SLCO2A1: variants seen among roughly 807,000 people sequenced by gnomAD.
The protein encoded by SLCO2A1 is matrin F/G 1.
In SLCO2A1, 60 loss-of-function variants were observed where a neutral mutation model predicts 71.7. The observed-to-expected ratio is 0.84, with a 90% confidence interval of 0.68 to 1.04. The LOEUF (loss-of-function observed/expected upper bound fraction) is 1.04, where lower values mean the gene tolerates loss of function less well. SLCO2A1 is among the 50% of genes least tolerant of loss of function. The pLI is 0.00. For synonymous variants in SLCO2A1, 308 were observed against 326.7 expected (o/e 0.94, Z 0.62); for missense variants, 745 against 813.4 (o/e 0.92, Z 1.02).
intron 3 of SLCO2A1, among the ~76,000 whole-genome samples, chr3:133,971,737 G>C (rs542416544): frequency 1.5e-4 from 23 of 152,218 alleles, no homozygotes; most frequent in African/African-American, 5.1e-4. Flanking sequence ...GTGGACTAAG[G>C]GTGAGCATCT....
intron 3 of SLCO2A1, among the ~76,000 whole-genome samples, chr3:133,960,021 G>A (rs1012582870): frequency 6.6e-6 from 1 of 152,164 alleles, no homozygotes; most frequent in African/African-American, 2.4e-5. Flanking sequence ...TCGGGAGGCT[G>A]AGGCAGGAGA....
rs1335456300 is a variant in SLCO2A1 at position 133,951,418 on chromosome 3, CA to C, written c.725-75del. 6 of 1,562,406 alleles carry C rather than the reference CA, an allele frequency of 3.8e-6. No homozygotes were observed. In the Admixed American group the frequency reaches 7.0e-5, roughly 18 times the overall value. On this transcript the variant is annotated intron_variant, in intron 5 of 13. Coordinates refer to ENST00000310926, the MANE Select transcript of SLCO2A1 (RefSeq NM_005630.3). ...CCTTACTGGAAACAGAACCTCTGAT[CA>C]GGGGGAGTTTCACTGATTTTCTTCC... is the stretch of plus-strand genomic sequence containing the variant.
At chr3:133,941,076 T>C (rs1933408741) in intron 11 of SLCO2A1, among the ~76,000 whole-genome samples, 1 of 152,184 alleles carries the variant, frequency 6.6e-6, no homozygotes, top group Non-Finnish European at 1.5e-5. Context: ...AAGTATTTTG[T>C]CTTTGACCCA....
At chr3:134,004,445 C>T (rs1334030475) in intron 1 of SLCO2A1, among the ~76,000 whole-genome samples, 2 of 152,216 alleles carry the variant, frequency 1.3e-5, no homozygotes, top group Non-Finnish European at 2.9e-5. Context: ...GGCAATTCTC[C>T]TGCCTCAGCA....
At chr3:133,975,787 C>A (rs903815723) in intron 2 of SLCO2A1, among the ~76,000 whole-genome samples, 7 of 152,198 alleles carry the variant, frequency 4.6e-5, no homozygotes, top group Non-Finnish European at 2.9e-5. Context: ...TAACCAGATT[C>A]AGGCCTCTGC....
rs190086042 is a variant in SLCO2A1, at chr3:133,939,416, G to A, written c.1626-923C>T. ...CTGTGCTCTGAGCACACACACTCCC[G>A]GTGGGTGCTTGTCAGGAAGAGCCTT... is the stretch of plus-strand genomic sequence containing the variant. On this transcript the variant is annotated intron_variant, in intron 11 of 13. Coordinates refer to ENST00000310926, the MANE Select transcript of SLCO2A1 (RefSeq NM_005630.3). Among the ~76,000 whole-genome samples, 382 of 152,296 alleles carry A rather than the reference G, an allele frequency of 2.5e-3. 6 individuals carry two copies. Among genetic ancestry groups the A allele is most frequent in the African/African-American group, 8.8e-3 (364 of 41,566 alleles).
intron 12 of SLCO2A1, 125 bp from the exon 13 acceptor site, chr3:133,936,022 A>G: frequency 2.1e-6 from 2 of 933,194 alleles, no homozygotes; most frequent in Non-Finnish European, 2.9e-6. Context: ...TACCCATAGG[A>G]CTCACAGTGA....
rs568467824 is a variant in SLCO2A1 at position 133,990,810 on chromosome 3, T to C, written c.97-11192A>G. ...GACTCCTGGCTGCTTCCCAGTGTCA[T>C]CAGACATGCAGGCATCTGGCCAAGC... On this transcript the variant is annotated intron_variant, in intron 1 of 13. Transcript: ENST00000310926. Among the ~76,000 whole-genome samples the C allele has an allele frequency of 3.3e-5, 5 of 152,256 alleles. No individual in the cohort carries two copies. The South Asian group carries it at 1.0e-3, about 32-fold the overall frequency.
intron 1 of SLCO2A1, among the ~76,000 whole-genome samples, chr3:134,003,100 A>AAT (rs1252237306): frequency 6.6e-6 from 1 of 151,866 alleles, no homozygotes; most frequent in African/African-American, 2.4e-5. Context: ...CTCAAAGGCA[A>AAT]GTGCAAGGGA....
intron 1 of SLCO2A1, among the ~76,000 whole-genome samples, chr3:134,009,212 A>C (rs1442165616): frequency 6.6e-6 from 1 of 152,236 alleles, no homozygotes; most frequent in African/African-American, 2.4e-5. Flanking sequence ...AAGACAAAAA[A>C]CAAAACCATT....
At chr3:133,979,658 C>A (rs1213637391) in intron 1 of SLCO2A1, 40 bp from the exon 2 acceptor site, 3 of 1,561,612 alleles carry the variant, frequency 1.9e-6, no homozygotes, top group Middle Eastern at 1.9e-4. Flanking sequence ...TTCTGGACGA[C>A]AAGCCCTGGC....
chr3:133,965,426 C>T (rs557456453), intron 3 of SLCO2A1, among the ~76,000 whole-genome samples: 2 of 152,300 alleles, frequency 1.3e-5, no homozygotes, highest in South Asian at 2.1e-4. Flanking sequence ...ACGCTTGTCA[C>T]GGACTTTGGA....
At chr3:133,986,804 G>A (rs1934724298) in intron 1 of SLCO2A1, among the ~76,000 whole-genome samples, 1 of 152,210 alleles carries the variant, frequency 6.6e-6, no homozygotes, top group African/African-American at 2.4e-5. Context: ...GACAAGGAGG[G>A]AGGCTCCCAC....
chr3:133,935,953 G>T, intron 12 of SLCO2A1, 56 bp from the exon 13 acceptor site: 4 of 1,466,052 alleles, frequency 2.7e-6, no homozygotes, highest in Non-Finnish European at 3.6e-6. Flanking sequence ...GAGGTGTCCA[G>T]CAGGGGTGTG....
At chr3:133,962,182 C>T (rs966453579) in intron 3 of SLCO2A1, among the ~76,000 whole-genome samples, 37 of 152,244 alleles carry the variant, frequency 2.4e-4, no homozygotes, top group African/African-American at 6.3e-4. Context: ...CGGGTTTAAG[C>T]GATTCTCCTG....
At chr3:134,026,983 G>A (rs1244604914) in intron 1 of SLCO2A1, among the ~76,000 whole-genome samples, 2 of 152,174 alleles carry the variant, frequency 1.3e-5, no homozygotes, top group Non-Finnish European at 2.9e-5. Context: ...ATAGTAATAG[G>A]AACCTGCTTA....
At chr3:133,973,621 C>T (rs1164984566) in intron 3 of SLCO2A1, 42 bp downstream of exon 3, 1 of 1,605,218 alleles carries the variant, frequency 6.2e-7, no homozygotes, top group Non-Finnish European at 8.5e-7. Flanking sequence ...GAGATGTTCA[C>T]CCATTCCTTA....
intron 3 of SLCO2A1, among the ~76,000 whole-genome samples, chr3:133,965,515 A>G (rs75332453): frequency 0.057 from 8,728 of 152,292 alleles, 824 homozygotes; most frequent in African/African-American, 0.2. Flanking sequence ...CCAACGGCTG[A>G]TAACTCAAAA....
chr3:134,008,292 A>T (rs1202903277), intron 1 of SLCO2A1, among the ~76,000 whole-genome samples: 3 of 152,264 alleles, frequency 2.0e-5, no homozygotes, highest in East Asian at 3.9e-4. Context: ...TCCACTGTCT[A>T]TCTCACTCAT....
Sources: gnomAD v4.1 joint callset for allele counts (sites outside exome capture counted in the v4.1 genomes callset) on GRCh38, gnomAD v4.1.1 for gene constraint, MANE v1.5 for transcripts, NCBI Gene and HGNC (gene_info 2026-07-23, HGNC 2026-07-21) for gene names.